The following CAMTA1 variants were observed in gnomAD, a reference collection of about 807,000 sequenced individuals.
CAMTA1 encodes calmodulin-binding transcription activator 1.
A neutral mutation model predicts 170.9 loss-of-function variants in CAMTA1; 27 were observed. That is an observed-to-expected ratio of 0.16 (90% CI 0.12 to 0.22). CAMTA1 has a LOEUF of 0.22. CAMTA1 is among the 10% of genes least tolerant of loss of function. The pLI is 1.00. For missense variants in CAMTA1, 1,619 were observed against 2,217.2 expected, an observed-to-expected ratio of 0.73 and a Z score of 5.42; for synonymous variants, 833 against 891.5, an observed-to-expected ratio of 0.93 and a Z score of 1.17.
rs78691899 is a variant in CAMTA1 at position 7,455,938 on chromosome 1, C to T, written c.439-11892C>T. Among the ~76,000 whole-genome samples the T allele has an allele frequency of 6.5e-3, 988 of 152,310 alleles. 5 individuals carry two copies. The highest frequency in any genetic ancestry group is 0.023 in the African/African-American group (942 of 41,580). ...GGGGCTGTGTAGCCGAAGCTCCCAG[C>T]GCCAGAGGGTACAGCCTGAGCCTCC... On this transcript the variant is annotated intron_variant, in intron 5 of 22. Transcript: ENST00000303635. The surrounding 1 kb of genome is among the most constrained non-coding windows in gnomAD (Gnocchi z 5.0).
intron 11 of CAMTA1, among the ~76,000 whole-genome samples, chr1:7,723,024 GATATATAC>G (rs1469850979): frequency 6.6e-5 from 10 of 152,176 alleles, no homozygotes; most frequent in African/African-American, 2.4e-4. Flanking sequence ...TATACAGGTA[GATATATAC>G]ATATATACGT....
chr1:6,795,642 C>T (rs1409210443), intron 1 of CAMTA1, among the ~76,000 whole-genome samples: 1 of 152,196 alleles, frequency 6.6e-6, no homozygotes, highest in African/African-American at 2.4e-5. Flanking sequence ...TCCATTCCCT[C>T]ATTCTGAGCA....
intron 22 of CAMTA1, among the ~76,000 whole-genome samples, chr1:7,760,515 C>T (rs1169619645): frequency 2.0e-5 from 3 of 152,208 alleles, no homozygotes; most frequent in Non-Finnish European, 2.9e-5. Flanking sequence ...CCGATGTGTT[C>T]ATGAGAAGTA....
chr1:6,912,784 G>T (rs1180142403), intron 3 of CAMTA1, among the ~76,000 whole-genome samples: 1 of 152,206 alleles, frequency 6.6e-6, no homozygotes. Flanking sequence ...GCTTGAGCTG[G>T]GAGCCAGGCG....
Position 7,535,740 on chromosome 1 carries a change from G to T in CAMTA1, c.510+67839G>T, listed in dbSNP as rs115537235. On this transcript the variant is annotated intron_variant, in intron 6 of 22. Transcript: ENST00000303635. ...CACCTAGTATTGTCACCTCTCTGTGGCCACCACCCTGGGACACAACCTATG... is the reference window on the plus strand; with the variant it reads ...CACCTAGTATTGTCACCTCTCTGTGTCCACCACCCTGGGACACAACCTATG... 6.4e-3 allele frequency among the ~76,000 whole-genome samples: 969 copies of T among 152,236 alleles called. 8 individuals carry two copies. The highest frequency in any genetic ancestry group is 0.021 in the African/African-American group (892 of 41,538).
chr1:7,062,718 A>G (rs541474098), intron 3 of CAMTA1, among the ~76,000 whole-genome samples: 3 of 152,206 alleles, frequency 2.0e-5, no homozygotes, highest in South Asian at 2.1e-4. Context: ...CCCAACAGAA[A>G]TGCACCCTCT....
At chr1:7,428,311 G>A (rs561862595) in intron 5 of CAMTA1, among the ~76,000 whole-genome samples, 1 of 152,228 alleles carries the variant, frequency 6.6e-6, no homozygotes, top group East Asian at 1.9e-4. Context: ...CTAGACCAGT[G>A]CCCAGGGTGT....
chr1:7,118,148 C>G lies in CAMTA1; in HGVS notation c.302+26777C>G, dbSNP rs539317313. Among the ~76,000 whole-genome samples, 7 of 152,226 alleles carry G rather than the reference C, an allele frequency of 4.6e-5. No homozygotes were observed. The East Asian group carries it at 7.7e-4, about 17-fold the overall frequency. ...GGTTGTCTCTATTGATGGGTACAGC[C>G]AGCTCTGATTGCTGGGAAAATAGTT... On this transcript the variant is annotated intron_variant, in intron 4 of 22. Transcript: ENST00000303635.
chr1:6,924,616 C>T lies in CAMTA1; in HGVS notation c.234+99406C>T, dbSNP rs376267226. Among the ~76,000 whole-genome samples, 11 of 152,308 alleles carry T rather than the reference C, an allele frequency of 7.2e-5. No individual in the cohort carries two copies. In the East Asian group the frequency reaches 1.5e-3, roughly 21 times the overall value. ...TATATTTAGACTCTTCTGTACTTTCCGTGGTAACAGCCGCTTTATTCCTGG... is the reference window on the plus strand; with the variant it reads ...TATATTTAGACTCTTCTGTACTTTCTGTGGTAACAGCCGCTTTATTCCTGG... On this transcript the variant is annotated intron_variant, in intron 3 of 22. Transcript: ENST00000303635.
At chr1:7,488,687 A>G (rs1460558087) in intron 6 of CAMTA1, among the ~76,000 whole-genome samples, 1 of 152,190 alleles carries the variant, frequency 6.6e-6, no homozygotes, top group Non-Finnish European at 1.5e-5. Flanking sequence ...ACACACACAT[A>G]TACACATAAA....
intron 3 of CAMTA1, among the ~76,000 whole-genome samples, chr1:6,940,925 AGGGAAAGGGGATCCTCAGG>A (rs1686431382): frequency 6.8e-4 from 2 of 2,926 alleles, no homozygotes; most frequent in East Asian, 0.013. Context: ...GGATCCTCAC[AGGGAAAGGGGATCCTCAGG>A]GGGAGGGGGG....
In CAMTA1 at chr1:7,635,626, AAT is replaced by A. The variant is rs2095706233; in HGVS notation, c.511-4772_511-4771del. Among the ~76,000 whole-genome samples the A allele has an allele frequency of 6.8e-6, 1 of 147,828 alleles. No homozygotes were observed. The highest frequency in any genetic ancestry group is 2.6e-5 in the African/African-American group (1 of 38,872). On this transcript the variant is annotated intron_variant, in intron 6 of 22. Transcript: ENST00000303635. This position sits in a 1 kb window ranked among gnomAD's most constrained non-coding sequence, Gnocchi z 4.4. ...TCCGTCTCAAAAAAAAAAAAAAAAA[AAT>A]ACAGGGCCCTGGCGGGGTCTGTCCC...
intron 3 of CAMTA1, among the ~76,000 whole-genome samples, chr1:6,941,895 G>A (rs1377158725): frequency 6.6e-6 from 1 of 152,168 alleles, no homozygotes; most frequent in Non-Finnish European, 1.5e-5. Context: ...GGAGAGGTGG[G>A]AGCCTTGGCT....
chr1:7,593,345 G>A (rs556375919), intron 6 of CAMTA1, among the ~76,000 whole-genome samples: 21 of 152,166 alleles, frequency 1.4e-4, no homozygotes, highest in Non-Finnish European at 2.5e-4. Context: ...TGACCCAGTG[G>A]GAAGAAGTAG....
intron 4 of CAMTA1, among the ~76,000 whole-genome samples, chr1:7,132,668 G>C (rs1156942425): frequency 6.6e-6 from 1 of 152,116 alleles, no homozygotes. Flanking sequence ...CAAAAAAATA[G>C]ATTCTGCATG....
At position 6,842,321 on chromosome 1, in the gene CAMTA1, C is replaced by T. The variant is rs544908707; in HGVS notation, c.234+17111C>T. On this transcript the variant is annotated intron_variant, in intron 3 of 22. Coordinates refer to ENST00000303635, the MANE Select transcript of CAMTA1 (RefSeq NM_015215.4). ...ATAGTGAGTGTAAAAACGCCCTCGC[C>T]GTGAGGCTCAGAAGAGCCAGGCCTC... 2.4e-4 allele frequency among the ~76,000 whole-genome samples: 36 copies of T among 152,272 alleles called. 1 individual carries two copies. The South Asian group carries it at 6.2e-3, about 26-fold the overall frequency.
intron 4 of CAMTA1, among the ~76,000 whole-genome samples, chr1:7,139,138 TAAAC>T (rs1200534430): frequency 2.9e-4 from 23 of 79,296 alleles, no homozygotes; most frequent in Admixed American, 1.1e-3. Context: ...TAAATATAAA[TAAAC>T]AAATATATAA....
chr1:7,327,869 T>C (rs1011201631), intron 5 of CAMTA1, among the ~76,000 whole-genome samples: 30 of 152,240 alleles, frequency 2.0e-4, no homozygotes, highest in African/African-American at 6.8e-4. Context: ...TGTTTTGTTA[T>C]TGAAAATATC....
chr1:7,620,529 C>G (rs1358978316), intron 6 of CAMTA1, among the ~76,000 whole-genome samples: 5 of 152,204 alleles, frequency 3.3e-5, no homozygotes, highest in Admixed American at 3.3e-4. Context: ...TCCTTTACCT[C>G]TGGCAAAACA....
Sources: allele counts gnomAD v4.1 joint callset (sites outside exome capture counted in the v4.1 genomes callset), GRCh38; gene constraint gnomAD v4.1.1; non-coding constraint Gnocchi (gnomAD v3.1); transcripts MANE v1.5; gene names NCBI Gene and HGNC (gene_info 2026-07-23, HGNC 2026-07-21).